Variants in NHSL2 observed in about 807,000 individuals in gnomAD.
NHSL2 encodes the protein NHS-like protein 2.
Under a neutral mutation model 53.4 loss-of-function variants are expected in NHSL2, and 27 were observed. The observed-to-expected ratio is 0.51, with a 90% CI of 0.37 to 0.70. NHSL2 has a LOEUF of 0.70. NHSL2 is among the 30% of genes least tolerant of loss of function. The pLI, the probability that NHSL2 is intolerant of heterozygous loss-of-function variation, is 0.00. For missense variants in NHSL2, 892 were observed against 980.1 expected (o/e 0.91, Z 1.20); for synonymous variants, 408 against 404.1 (o/e 1.01, Z -0.12).
At chrX:71,975,146 G>A (rs1246856424) in intron 1 of NHSL2, among the ~76,000 whole-genome samples, 2 of 111,637 alleles carry the variant, frequency 1.8e-5, no homozygotes, top group Non-Finnish European at 1.9e-5. Context: ...GTGCCCTGGC[G>A]ACACTCCGCT....
intron 1 of NHSL2, among the ~76,000 whole-genome samples, chrX:71,945,208 C>T (rs1246045600): frequency 2.7e-5 from 3 of 112,018 alleles, no homozygotes; most frequent in African/African-American, 9.8e-5. Flanking sequence ...CCTTCTTTCA[C>T]CATGAAGACG....
At chrX:72,069,417 AAGAGAG>A (rs765436963) in intron 1 of NHSL2, among the ~76,000 whole-genome samples, 169 of 105,825 alleles carry the variant, frequency 1.6e-3, no homozygotes, top group African/African-American at 5.7e-3. Flanking sequence ...GAGAGGGAGG[AAGAGAG>A]AGAGAGAGAG....
chrX:71,978,180 A>G (rs781127631), intron 1 of NHSL2, among the ~76,000 whole-genome samples: 1 of 112,935 alleles, frequency 8.9e-6, no homozygotes, highest in African/African-American at 3.2e-5. Flanking sequence ...TCTCATTACT[A>G]TTAGAAAATA....
chrX:71,952,503 G>A (rs779271971), intron 1 of NHSL2, among the ~76,000 whole-genome samples: 1 of 111,494 alleles, frequency 9.0e-6, no homozygotes, highest in South Asian at 3.9e-4. Flanking sequence ...CAAATTTGGT[G>A]TCTGATGAGT....
At chrX:72,109,413 T>C (rs2042072048) in intron 1 of NHSL2, among the ~76,000 whole-genome samples, 1 of 112,015 alleles carries the variant, frequency 8.9e-6, no homozygotes, top group Non-Finnish European at 1.9e-5. Context: ...TCTTGACTTA[T>C]GCTGGCCCCC....
chrX:72,006,658 G>A (rs781097307), intron 1 of NHSL2, among the ~76,000 whole-genome samples: 2 of 112,314 alleles, frequency 1.8e-5, no homozygotes, highest in African/African-American at 6.5e-5. Context: ...GCTCAAATGA[G>A]CCTCCTGCCT....
chrX:71,925,975 G>A (rs1409147617), intron 1 of NHSL2, among the ~76,000 whole-genome samples: 1 of 111,421 alleles, frequency 9.0e-6, no homozygotes, highest in Non-Finnish European at 1.9e-5. Context: ...AATGCACTGA[G>A]TTGGGATAGG....
intron 1 of NHSL2, among the ~76,000 whole-genome samples, chrX:72,088,677 C>G (rs2041871084): frequency 9.0e-6 from 1 of 111,731 alleles, no homozygotes; most frequent in Admixed American, 9.5e-5. Context: ...CACATCACCA[C>G]CAGACTGACC....
rs2042471427 is a variant in NHSL2, at chrX:72,147,282, G to C, written c.*3708G>C. On this transcript the variant is annotated 3_prime_UTR_variant, in exon 8 of 8. Coordinates refer to ENST00000633930, the MANE Select transcript of NHSL2 (RefSeq NM_001013627.3). ...ATATGATTTGCTAGGGCCAGGACTA[G>C]GGTGAGGTGAGCGAGGCACCTAGGG... 8.9e-6 allele frequency: 1 copy of C among 112,382 alleles called. No homozygotes were observed. The highest frequency in any genetic ancestry group is 3.7e-4 in the South Asian group (1 of 2,716). 9.3% of individuals were successfully genotyped at this position (112,382 alleles called of 1,213,427 possible).
Position 71,921,098 on chromosome X carries a change from C to T in NHSL2, c.280+9731C>T, listed in dbSNP as rs749766171. On this transcript the variant is annotated intron_variant, in intron 1 of 7. Transcript: ENST00000633930. ...GATTGCAGGCGTGAGCCACCGTTCC[C>T]GGCCAATATATTTTTTAACATTATA... 2.1e-3 allele frequency among the ~76,000 whole-genome samples: 235 copies of T among 109,397 alleles called. 1 individual carries two copies. Among genetic ancestry groups the T allele is most frequent in the Non-Finnish European group, 3.0e-3 (157 of 52,370 alleles). 95.0% of individuals were successfully genotyped at this position (109,397 alleles called of 115,157 possible). A position where few individuals can be genotyped will look rare whatever the true frequency, so the allele number is the denominator to read the frequency against.
At chrX:72,024,643 G>A (rs146355066) in intron 1 of NHSL2, among the ~76,000 whole-genome samples, 288 of 111,905 alleles carry the variant, frequency 2.6e-3, no homozygotes, top group African/African-American at 9.1e-3. Flanking sequence ...TGTTTCTGGG[G>A]CAGTAAGCCA....
intron 1 of NHSL2, among the ~76,000 whole-genome samples, chrX:71,918,109 A>C (rs1446751007): frequency 1.8e-5 from 2 of 111,655 alleles, no homozygotes; most frequent in East Asian, 5.6e-4. Context: ...GGGCCCCTCT[A>C]AAAAGGCTAG....
chrX:72,078,119 G>A (rs1378338587), intron 1 of NHSL2, among the ~76,000 whole-genome samples: 1 of 113,038 alleles, frequency 8.8e-6, no homozygotes, highest in African/African-American at 3.2e-5. Context: ...GAGAGGTTAA[G>A]TGACATGCCC....
At chrX:71,999,848 T>C (rs2042065121) in intron 1 of NHSL2, among the ~76,000 whole-genome samples, 1 of 112,286 alleles carries the variant, frequency 8.9e-6, no homozygotes, top group Non-Finnish European at 1.9e-5. Context: ...TTCTTCTTAC[T>C]CATTAACATA....
intron 1 of NHSL2, chrX:72,080,151 C>T (rs73624206): frequency 8.9e-6 from 1 of 112,154 alleles, no homozygotes; most frequent in Non-Finnish European, 1.9e-5. Flanking sequence ...TGGAGCCCGT[C>T]GGCTCCCTGC....
rs2042527048 is a variant in NHSL2 at position 72,152,934 on chromosome X, G to A, written c.*9360G>A. 8.9e-6 allele frequency: 1 copy of A among 112,224 alleles called. No homozygotes were observed. Among genetic ancestry groups the A allele is most frequent in the Non-Finnish European group, 1.9e-5 (1 of 53,280 alleles). 9.2% of individuals were successfully genotyped at this position (112,224 alleles called of 1,213,427 possible). ...TTGTTAAGTTAGCCCTTACCATTTA[G>A]TGCTTACTGAATGCCAACAATGCAC... On this transcript the variant is annotated 3_prime_UTR_variant, in exon 8 of 8. Transcript: ENST00000633930.
At chrX:72,044,244 A>C (rs1246173990) in intron 1 of NHSL2, among the ~76,000 whole-genome samples, 1 of 112,330 alleles carries the variant, frequency 8.9e-6, no homozygotes, top group African/African-American at 3.2e-5. Context: ...ATATGGCTAC[A>C]GTGGAGGACA....
intron 1 of NHSL2, among the ~76,000 whole-genome samples, chrX:72,036,936 G>A (rs372288516): frequency 1.4e-4 from 16 of 111,311 alleles, no homozygotes; most frequent in African/African-American, 5.2e-4. Flanking sequence ...TAAAACCTTT[G>A]CCCAATAATT....
At chrX:72,065,059 A>C (rs2042420119) in intron 1 of NHSL2, among the ~76,000 whole-genome samples, 1 of 111,244 alleles carries the variant, frequency 9.0e-6, no homozygotes, top group Non-Finnish European at 1.9e-5. Flanking sequence ...CACCCTACCC[A>C]ACCTGGATGT....
Sources: allele counts gnomAD v4.1 joint callset (sites outside exome capture counted in the v4.1 genomes callset), GRCh38; gene constraint gnomAD v4.1.1; transcripts MANE v1.5; gene names NCBI Gene and HGNC (gene_info 2026-07-23, HGNC 2026-07-21).